Variants in TMEM150C observed in about 807,000 individuals in gnomAD.
TMEM150C encodes the protein transmembrane protein 150C.
Under a neutral mutation model 29.9 loss-of-function variants are expected in TMEM150C, and 10 were observed. The observed-to-expected ratio is 0.33, with a 90% confidence interval of 0.21 to 0.57. The LOEUF (loss-of-function observed/expected upper bound fraction) is 0.57. Ranked by LOEUF, TMEM150C falls within the 20% of genes least tolerant of loss-of-function variation. TMEM150C has a pLI of 0.88. For missense variants in TMEM150C, 251 were observed against 303.6 expected, an observed-to-expected ratio of 0.83 and a Z score of 1.29; for synonymous variants, 101 against 112.5, an observed-to-expected ratio of 0.90 and a Z score of 0.64.
chr4:82,500,505 G>T (rs1006653925), intron 5 of TMEM150C, among the ~76,000 whole-genome samples: 2 of 152,096 alleles, frequency 1.3e-5, no homozygotes, highest in African/African-American at 4.8e-5. Flanking sequence ...TCAAAATGAT[G>T]AAAGATAATA....
chr4:82,497,712 G>T (rs1723601972), intron 5 of TMEM150C, among the ~76,000 whole-genome samples: 1 of 152,212 alleles, frequency 6.6e-6, no homozygotes, highest in Non-Finnish European at 1.5e-5. Flanking sequence ...GTTGACAGTA[G>T]TTTCTCAAAC....
At chr4:82,545,391 C>T (rs1202396456) in intron 1 of TMEM150C, among the ~76,000 whole-genome samples, 1 of 152,144 alleles carries the variant, frequency 6.6e-6, no homozygotes, top group African/African-American at 2.4e-5. Context: ...AAGGAACATA[C>T]CTCAAAATAA....
chr4:82,496,477 G>A (rs965908666), intron 5 of TMEM150C, among the ~76,000 whole-genome samples: 7 of 152,142 alleles, frequency 4.6e-5, no homozygotes, highest in East Asian at 3.8e-4. Flanking sequence ...GAGAGGACTC[G>A]AGGCAACAGG....
intron 7 of TMEM150C, among the ~76,000 whole-genome samples, chr4:82,488,392 A>G (rs56817014): frequency 0.43 from 65,282 of 152,072 alleles, 16,316 homozygotes; most frequent in African/African-American, 0.68. Flanking sequence ...AAACTTCTCC[A>G]TGATTCACTG....
intron 1 of TMEM150C, among the ~76,000 whole-genome samples, chr4:82,547,862 A>G (rs1027687628): frequency 6.6e-6 from 1 of 152,206 alleles, no homozygotes; most frequent in Non-Finnish European, 1.5e-5. Flanking sequence ...ATATATAGCC[A>G]AAAGAAAATA....
chr4:82,492,846 C>A (rs1723407637), intron 6 of TMEM150C, among the ~76,000 whole-genome samples: 3 of 99,064 alleles, frequency 3.0e-5, no homozygotes, highest in African/African-American at 4.2e-5. Flanking sequence ...CTTCATCAAA[C>A]CTAGCGTATA....
In TMEM150C at chr4:82,561,899, C is replaced by T. The variant is rs1725949898; in HGVS notation, c.-11+7G>A. On this transcript the variant is annotated splice_region_variant and intron_variant, in intron 1 of 7. Transcript: ENST00000449862. ...GGCCCAGGCAGGGGAGGGGGCGCCG[C>T]GCCTACCTGCTCTGGTGCGGCGGGG... 2 of 995,434 alleles carry T rather than the reference C, an allele frequency of 2.0e-6. No individual in the cohort carries two copies. The highest frequency in any genetic ancestry group is 1.7e-5 in the African/African-American group (1 of 57,152). 61.7% of individuals were successfully genotyped at this position (995,434 alleles called of 1,614,324 possible). A position where few individuals can be genotyped will look rare whatever the true frequency, so the allele number is the denominator to read the frequency against.
intron 1 of TMEM150C, among the ~76,000 whole-genome samples, chr4:82,516,440 C>T (rs1180160189): frequency 6.6e-6 from 1 of 152,198 alleles, no homozygotes; most frequent in Non-Finnish European, 1.5e-5. Flanking sequence ...CACTTAGTAG[C>T]TGGGTGATAC....
At chr4:82,529,279 C>T (rs1370380230) in intron 1 of TMEM150C, among the ~76,000 whole-genome samples, 25 of 143,162 alleles carry the variant, frequency 1.7e-4, no homozygotes, top group African/African-American at 5.9e-4. Context: ...CCCTCCCTTC[C>T]TTCCTTCCTT....
At chr4:82,526,534 A>T (rs1201858644) in intron 1 of TMEM150C, among the ~76,000 whole-genome samples, 1 of 152,202 alleles carries the variant, frequency 6.6e-6, no homozygotes, top group East Asian at 1.9e-4. Context: ...GGATTCTCTT[A>T]TTAATCCCTT....
At chr4:82,490,684 A>G (rs932764317) in intron 6 of TMEM150C, 2 of 322,756 alleles carry the variant, frequency 6.2e-6, no homozygotes, top group African/African-American at 4.3e-5. Flanking sequence ...CCTGGCTCAA[A>G]GCGATCCTCC....
At chr4:82,539,829 A>G (rs1319698460) in intron 1 of TMEM150C, among the ~76,000 whole-genome samples, 3 of 152,192 alleles carry the variant, frequency 2.0e-5, no homozygotes, top group Admixed American at 2.0e-4. Flanking sequence ...AGGACTACCT[A>G]TAAGAAATGT....
At chr4:82,517,997 A>G (rs1724348074) in intron 1 of TMEM150C, among the ~76,000 whole-genome samples, 1 of 152,092 alleles carries the variant, frequency 6.6e-6, no homozygotes, top group Non-Finnish European at 1.5e-5. Flanking sequence ...ACCTCTCCTT[A>G]CAGAGACTAA....
rs182235606 is a variant in TMEM150C, at chr4:82,511,576, G to A, written c.-10-6909C>T. Among the ~76,000 whole-genome samples the A allele has an allele frequency of 9.9e-4, 144 of 145,926 alleles. 1 individual carries two copies. The Middle Eastern group carries it at 0.018, about 18-fold the overall frequency. On this transcript the variant is annotated intron_variant, in intron 1 of 7. Transcript: ENST00000449862. ...TGCAGACTCAATCTCCCCAGGTTCA[G>A]GTGATCCTCCCACTTCAGCTTTCTA...
chr4:82,490,171 C>T lies in TMEM150C; in HGVS notation c.431G>A (p.Cys144Tyr), dbSNP rs1723288363. Residue 144 changes from cysteine (C) to tyrosine (Y), a missense_variant, in exon 7 of 8, where the codon TGC (cysteine) becomes TAC (tyrosine). By Grantham distance (194) the Cys-to-Tyr change is radical. Transcript: ENST00000449862. ...SLTFGFGTLT[C>Y]WIQAALTLKV... ...GAGTGTCAGCGCAGCCTGGATCCAG[C>T]AGGTCAATGTGCCAAATCCAAAGGT... The T allele has an allele frequency of 6.2e-7, 1 of 1,614,000 alleles. No individual in the cohort carries two copies. The highest frequency in any genetic ancestry group is 8.5e-7 in the Non-Finnish European group (1 of 1,179,872).
chr4:82,543,809 T>G (rs1054086836), intron 1 of TMEM150C, among the ~76,000 whole-genome samples: 2 of 152,110 alleles, frequency 1.3e-5, no homozygotes, highest in Non-Finnish European at 2.9e-5. Flanking sequence ...CAAGGAAAAA[T>G]CAAGAGAAAC....
Position 82,492,880 on chromosome 4 carries a change from A to G in TMEM150C, c.364-2642T>C, listed in dbSNP as rs536402501. On this transcript the variant is annotated intron_variant, in intron 6 of 7. Coordinates refer to ENST00000449862, the MANE Select transcript of TMEM150C (RefSeq NM_001080506.3). ...TATGTTTGTGTATATATATATATAT[A>G]TATATATATATATATATATGTATTT... is the stretch of plus-strand genomic sequence containing the variant. Among the ~76,000 whole-genome samples the G allele has an allele frequency of 6.5e-3, 913 of 140,012 alleles. 60 individuals carry two copies. Among genetic ancestry groups the G allele is most frequent in the Admixed American group, 0.06 (829 of 13,866 alleles). 91.9% of individuals were successfully genotyped at this position (140,012 alleles called of 152,430 possible).
At chr4:82,556,817 C>T (rs955663186) in intron 1 of TMEM150C, among the ~76,000 whole-genome samples, 2 of 152,026 alleles carry the variant, frequency 1.3e-5, no homozygotes, top group African/African-American at 2.4e-5. Flanking sequence ...TTCAAGCATC[C>T]CCATCACCCT....
At chr4:82,520,523 A>T (rs942872367) in intron 1 of TMEM150C, among the ~76,000 whole-genome samples, 10 of 152,206 alleles carry the variant, frequency 6.6e-5, no homozygotes, top group African/African-American at 2.4e-4. Context: ...TAAGAGTTCA[A>T]ACTGAACCAC....
Sources: gnomAD v4.1 joint callset for allele counts (sites outside exome capture counted in the v4.1 genomes callset) on GRCh38, gnomAD v4.1.1 for gene constraint, MANE v1.5 for transcripts, NCBI Gene and HGNC (gene_info 2026-07-23, HGNC 2026-07-21) for gene names.